Variants in PIK3C2G observed in about 807,000 individuals in gnomAD.
PIK3C2G encodes phosphatidylinositol-4-phosphate 3-kinase catalytic subunit type 2 gamma.
A neutral mutation model predicts 181.1 loss-of-function variants in PIK3C2G; 168 were observed. The observed-to-expected ratio is 0.93, with a 90% CI of 0.82 to 1.05. The LOEUF is 1.05. Ranked by LOEUF, PIK3C2G falls within the 50% of genes least tolerant of loss-of-function variation. The probability of loss-of-function intolerance (pLI) is 0.00; values close to 1 mark genes in which losing one functional copy is unlikely to be tolerated. For synonymous variants in PIK3C2G, 573 were observed against 592.2 expected, an observed-to-expected ratio of 0.97 and a Z score of 0.47; for missense variants, 1,869 against 1,732.8, an observed-to-expected ratio of 1.08 and a Z score of -1.40.
the PIK3C2G span, among the ~76,000 whole-genome samples, chr12:18,677,242 G>T: frequency 6.6e-6 from 1 of 152,038 alleles, no homozygotes; most frequent in Non-Finnish European, 1.5e-5. Context: ...AATCCAGAGA[G>T]CAAAATCTAA....
intron 30 of PIK3C2G, among the ~76,000 whole-genome samples, chr12:18,595,753 T>C (rs1030761136): frequency 6.6e-6 from 1 of 152,128 alleles, no homozygotes; most frequent in Admixed American, 6.6e-5. Flanking sequence ...TTTAATACTC[T>C]GCTGCCACTG....
chr12:18,604,426 G>C (rs1440872473), intron 30 of PIK3C2G, among the ~76,000 whole-genome samples: 1 of 152,096 alleles, frequency 6.6e-6, no homozygotes, highest in Admixed American at 6.6e-5. Flanking sequence ...AAATGAGATA[G>C]ACAGCAACAC....
chr12:18,648,845 C>A (rs930294178), downstream of PIK3C2G, among the ~76,000 whole-genome samples: 15 of 152,092 alleles, frequency 9.9e-5, no homozygotes, highest in African/African-American at 3.4e-4. Flanking sequence ...ATGCACTATG[C>A]CACATTCTTT....
chr12:18,585,558 A>G (rs1185791083), intron 29 of PIK3C2G, among the ~76,000 whole-genome samples: 1 of 150,156 alleles, frequency 6.7e-6, no homozygotes, highest in Admixed American at 6.6e-5. Flanking sequence ...GCAAGTTCTT[A>G]GAGACCTACA....
intron 32 of PIK3C2G, among the ~76,000 whole-genome samples, chr12:18,641,228 C>G (rs1283682537): frequency 2.0e-5 from 3 of 152,158 alleles, no homozygotes; most frequent in African/African-American, 7.2e-5. Flanking sequence ...TTCTTTCCCT[C>G]ACTATCACCT....
intron 11 of PIK3C2G, among the ~76,000 whole-genome samples, chr12:18,362,543 A>G (rs2137803406): frequency 6.6e-6 from 1 of 152,312 alleles, no homozygotes; most frequent in South Asian, 2.1e-4. Context: ...ATCGGTCAGC[A>G]TATTTTTCTC....
rs539703060 is a variant in PIK3C2G at position 18,491,470 on chromosome 12, T to C, written c.2705T>C (p.Ile902Thr). 2.1e-5 allele frequency: 33 copies of C among 1,596,218 alleles called. No homozygotes were observed. Among genetic ancestry groups the C allele is most frequent in the African/African-American group, 1.7e-4 (13 of 74,686 alleles). Residue 902 changes from isoleucine (I) to threonine (T), a missense_variant, in exon 20 of 33, where the codon ATT becomes ACT. Coordinates refer to ENST00000538779, the MANE Select transcript of PIK3C2G (RefSeq NM_001288772.2). ...TCACAGGAGGTACTGAAGAAAGAAA[T>C]TGGCAGACTAGAAGAGTTCTTTCAA... ...HQRQEVLKKE[I>T]GRLEEFFQDV...
chr12:18,623,888 C>A (rs1948977750), intron 31 of PIK3C2G, among the ~76,000 whole-genome samples: 1 of 151,548 alleles, frequency 6.6e-6, no homozygotes. Context: ...GATTTTGTAC[C>A]CTACAACTTC....
the PIK3C2G span, chr12:18,723,603 TTAGAG>T: frequency 3.3e-6 from 4 of 1,226,662 alleles, 1 homozygote; most frequent in South Asian, 4.9e-5. Flanking sequence ...AAAATGAATA[TTAGAG>T]TATTTATGTA....
intron 2 of PIK3C2G, among the ~76,000 whole-genome samples, chr12:18,283,389 A>G (rs936937505): frequency 6.6e-6 from 1 of 152,180 alleles, no homozygotes; most frequent in African/African-American, 2.4e-5. Flanking sequence ...GAGTCTAGAC[A>G]AAGTAAAATC....
chr12:18,285,519 T>A (rs1190298310), intron 2 of PIK3C2G: 1 of 152,086 alleles, frequency 6.6e-6, no homozygotes, highest in Non-Finnish European at 1.5e-5. Flanking sequence ...TTGTAGGATT[T>A]ATTGTGTATG....
chr12:18,356,838 C>G (rs1940783779), intron 11 of PIK3C2G, among the ~76,000 whole-genome samples: 1 of 141,588 alleles, frequency 7.1e-6, no homozygotes, highest in Non-Finnish European at 1.5e-5. Flanking sequence ...TGCTGCCCAT[C>G]TGTCATTGGA....
chr12:18,382,614 G>A (rs557223359), intron 14 of PIK3C2G, among the ~76,000 whole-genome samples: 1 of 152,258 alleles, frequency 6.6e-6, no homozygotes, highest in East Asian at 1.9e-4. Flanking sequence ...TGACATTCTG[G>A]ACAAGAGAAT....
intron 18 of PIK3C2G, among the ~76,000 whole-genome samples, chr12:18,465,476 C>G (rs1013364426): frequency 1.3e-5 from 2 of 151,816 alleles, no homozygotes; most frequent in African/African-American, 4.8e-5. Flanking sequence ...GAAAAGGCTT[C>G]TTAGTGGAAG....
At chr12:18,698,099 A>G in the PIK3C2G span, among the ~76,000 whole-genome samples, 5 of 151,506 alleles carry the variant, frequency 3.3e-5, no homozygotes, top group African/African-American at 1.2e-4. Flanking sequence ...AACATGAAGG[A>G]ACAGAGACCA....
chr12:18,356,070 T>C (rs1046696362), intron 11 of PIK3C2G, among the ~76,000 whole-genome samples: 2 of 152,146 alleles, frequency 1.3e-5, no homozygotes, highest in Admixed American at 6.6e-5. Context: ...CAGGACTTTA[T>C]TCCAGTCCCA....
intron 22 of PIK3C2G, among the ~76,000 whole-genome samples, chr12:18,500,508 A>G (rs547438702): frequency 2.0e-5 from 3 of 152,216 alleles, no homozygotes; most frequent in Admixed American, 1.3e-4. Context: ...CCCATCGACC[A>G]CCTAAGGGCT....
chr12:18,700,164 TTAATG>T, the PIK3C2G span, among the ~76,000 whole-genome samples: 1 of 152,154 alleles, frequency 6.6e-6, no homozygotes, highest in Non-Finnish European at 1.5e-5. Context: ...AAAATCATGA[TTAATG>T]TAATAAGTAT....
At chr12:18,277,147 AATCTATCT>A (rs950663514) in intron 1 of PIK3C2G, among the ~76,000 whole-genome samples, 2 of 152,106 alleles carry the variant, frequency 1.3e-5, no homozygotes, top group Non-Finnish European at 2.9e-5. Context: ...ATAAAAGATA[AATCTATCT>A]ATCTATCTAC....
Sources: gnomAD v4.1 joint callset for allele counts (sites outside exome capture counted in the v4.1 genomes callset) on GRCh38, gnomAD v4.1.1 for gene constraint, MANE v1.5 for transcripts, NCBI Gene and HGNC (gene_info 2026-07-23, HGNC 2026-07-21) for gene names.